Variants in CMTM8 observed in about 807,000 individuals in gnomAD.
CMTM8 encodes CKLF-like MARVEL transmembrane domain-containing protein 8.
In CMTM8, 12 loss-of-function variants were observed where a neutral mutation model predicts 18.6. That is an observed-to-expected ratio of 0.65 (90% confidence interval 0.41 to 1.05). CMTM8 has a LOEUF of 1.05. Among genes scored for constraint, CMTM8 ranks in the 50% least tolerant of loss-of-function variants. The pLI is 0.00. For synonymous variants in CMTM8, 87 were observed against 90.6 expected (o/e 0.96, Z 0.23); for missense variants, 217 against 227.2 (o/e 0.95, Z 0.29).
intron 1 of CMTM8, among the ~76,000 whole-genome samples, chr3:32,318,139 C>G (rs1220434849): frequency 2.0e-5 from 3 of 150,052 alleles, no homozygotes; most frequent in African/African-American, 7.4e-5. Context: ...ATCAGGAAAG[C>G]AACCTGTGGG....
At chr3:32,292,718 G>T (rs542297678) in intron 1 of CMTM8, among the ~76,000 whole-genome samples, 13 of 152,120 alleles carry the variant, frequency 8.5e-5, no homozygotes, top group African/African-American at 2.9e-4. Flanking sequence ...TGCATTGTGG[G>T]ATGCTTAGCA....
chr3:32,369,804 T>G (rs1162281906), intron 3 of CMTM8, 80 bp from the exon 4 acceptor site: 4 of 821,938 alleles, frequency 4.9e-6, no homozygotes, highest in Non-Finnish European at 2.0e-6. Flanking sequence ...GAGTGGGTGA[T>G]TCAATGGAGG....
chr3:32,276,363 G>C (rs1702518709), intron 1 of CMTM8, among the ~76,000 whole-genome samples: 2 of 152,170 alleles, frequency 1.3e-5, no homozygotes, highest in Admixed American at 1.3e-4. Flanking sequence ...TTCTTTTCCT[G>C]TAACATGATT....
At chr3:32,296,390 G>T (rs1702879639) in intron 1 of CMTM8, among the ~76,000 whole-genome samples, 1 of 152,220 alleles carries the variant, frequency 6.6e-6, no homozygotes, top group Non-Finnish European at 1.5e-5. Flanking sequence ...TCTGCAATGA[G>T]TACCTGGCAC....
chr3:32,282,023 C>CT (rs1216098516), intron 1 of CMTM8, among the ~76,000 whole-genome samples: 1 of 152,126 alleles, frequency 6.6e-6, no homozygotes, highest in Non-Finnish European at 1.5e-5. Context: ...AGAATCATGG[C>CT]TTTCAACTCT....
At chr3:32,303,654 T>C (rs1459257283) in intron 1 of CMTM8, among the ~76,000 whole-genome samples, 2 of 152,154 alleles carry the variant, frequency 1.3e-5, no homozygotes, top group East Asian at 3.9e-4. Context: ...TTGAAAAATT[T>C]CAAATCTGCA....
At chr3:32,284,215 T>A (rs1702645762) in intron 1 of CMTM8, among the ~76,000 whole-genome samples, 1 of 152,256 alleles carries the variant, frequency 6.6e-6, no homozygotes, top group Non-Finnish European at 1.5e-5. Context: ...ATTGTGCCAC[T>A]GCACTCCAGC....
At chr3:32,252,073 A>G (rs900634727) in intron 1 of CMTM8, among the ~76,000 whole-genome samples, 12 of 152,162 alleles carry the variant, frequency 7.9e-5, no homozygotes, top group Non-Finnish European at 8.8e-5. Flanking sequence ...AGCCTGGGCA[A>G]CAGAGCCAGA....
intron 2 of CMTM8, among the ~76,000 whole-genome samples, chr3:32,366,225 C>A (rs921612235): frequency 6.6e-6 from 1 of 152,200 alleles, no homozygotes; most frequent in Non-Finnish European, 1.5e-5. Flanking sequence ...CTACTCACGT[C>A]TCTACCAACC....
chr3:32,341,596 G>A (rs574265491), intron 1 of CMTM8, among the ~76,000 whole-genome samples: 1 of 152,324 alleles, frequency 6.6e-6, no homozygotes, highest in East Asian at 1.9e-4. Flanking sequence ...AAAACTTGAG[G>A]CCAGGTGTGG....
intron 1 of CMTM8, among the ~76,000 whole-genome samples, chr3:32,324,706 T>C (rs947173340): frequency 3.3e-5 from 5 of 151,594 alleles, no homozygotes; most frequent in Non-Finnish European, 7.3e-5. Context: ...CAGAATTACC[T>C]ACCAACCCCC....
chr3:32,339,547 CT>C (rs1438260607), intron 1 of CMTM8, among the ~76,000 whole-genome samples: 1 of 152,212 alleles, frequency 6.6e-6, no homozygotes, highest in Non-Finnish European at 1.5e-5. Context: ...TAAAAACTAT[CT>C]TTCTAGCCCA....
At chr3:32,250,993 GC>G (rs1702104309) in intron 1 of CMTM8, among the ~76,000 whole-genome samples, 3 of 152,114 alleles carry the variant, frequency 2.0e-5, no homozygotes, top group African/African-American at 7.2e-5. Context: ...TGTTTTTAAG[GC>G]TTTTGGTGTT....
intron 1 of CMTM8, among the ~76,000 whole-genome samples, chr3:32,328,941 CA>C (rs1348737936): frequency 2.0e-5 from 3 of 152,154 alleles, no homozygotes; most frequent in South Asian, 2.1e-4. Context: ...AAAACTCTTA[CA>C]AAAAATTGAA....
At chr3:32,255,620 A>G (rs1032393985) in intron 1 of CMTM8, among the ~76,000 whole-genome samples, 1 of 152,194 alleles carries the variant, frequency 6.6e-6, no homozygotes, top group Non-Finnish European at 1.5e-5. Flanking sequence ...TTTTTGAGTC[A>G]TTGCACATCC....
At chr3:32,319,880 A>G (rs2125576458) in intron 1 of CMTM8, among the ~76,000 whole-genome samples, 1 of 152,348 alleles carries the variant, frequency 6.6e-6, no homozygotes, top group South Asian at 2.1e-4. Flanking sequence ...GATGCTTAAC[A>G]TAAAAGTCTT....
intron 1 of CMTM8, among the ~76,000 whole-genome samples, chr3:32,249,609 G>T (rs898164266): frequency 2.6e-5 from 4 of 152,012 alleles, no homozygotes; most frequent in South Asian, 2.1e-4. Flanking sequence ...TTGTGGTTTG[G>T]GTTTGCATTT....
chr3:32,291,591 A>G (rs919189644), intron 1 of CMTM8, among the ~76,000 whole-genome samples: 3 of 152,238 alleles, frequency 2.0e-5, no homozygotes, highest in African/African-American at 7.2e-5. Context: ...CATAGCTAGA[A>G]AGTGAAGCAG....
intron 1 of CMTM8, among the ~76,000 whole-genome samples, chr3:32,298,609 A>G (rs137967188): frequency 6.6e-6 from 1 of 151,162 alleles, no homozygotes; most frequent in Non-Finnish European, 1.5e-5. Context: ...TTGCTCTCCT[A>G]TCATTCGGCT....
Sources: allele counts gnomAD v4.1 joint callset (sites outside exome capture counted in the v4.1 genomes callset), GRCh38; gene constraint gnomAD v4.1.1; transcripts MANE v1.5; gene names NCBI Gene and HGNC (gene_info 2026-07-23, HGNC 2026-07-21).